LRRFIP1: variants seen among roughly 807,000 people sequenced by gnomAD.
LRRFIP1 encodes LRR binding FLII interacting protein 1.
LRRFIP1 carries 62 observed loss-of-function variants against 104.4 expected under a neutral mutation model. The ratio of observed to expected loss-of-function variants is 0.59; its 90% CI spans 0.48 to 0.73. LRRFIP1 has a LOEUF of 0.73. Among genes scored for constraint, LRRFIP1 ranks in the 30% least tolerant of loss-of-function variants. The probability of loss-of-function intolerance (pLI) is 0.00; values close to 1 mark genes in which losing one functional copy is unlikely to be tolerated. For synonymous variants in LRRFIP1, 300 were observed against 299.0 expected (o/e 1.00, Z -0.03); for missense variants, 796 against 824.5 (o/e 0.97, Z 0.42).
intron 14 of LRRFIP1, among the ~76,000 whole-genome samples, chr2:237,751,793 C>T (rs980455872): frequency 1.3e-5 from 2 of 152,304 alleles, no homozygotes; most frequent in Admixed American, 6.5e-5. Context: ...TTTCTTGGAG[C>T]GTGTGCACAC....
rs1192915953 is a variant in LRRFIP1, at chr2:237,758,839, A to G, written c.1317+18A>G. ...AATTAAAGGTATGAAGCCAAACTAC[A>G]GTTTTATTTAAAAAAAAAGAAAAAA... On this transcript the variant is annotated intron_variant, in intron 18 of 23. Transcript: ENST00000308482. 30 of 1,551,290 alleles carry G rather than the reference A, an allele frequency of 1.9e-5. No individual in the cohort carries two copies. The highest frequency in any genetic ancestry group is 2.3e-5 in the Non-Finnish European group (26 of 1,151,168).
chr2:237,750,146 C>T (rs1015672562), intron 13 of LRRFIP1, among the ~76,000 whole-genome samples: 7 of 152,028 alleles, frequency 4.6e-5, no homozygotes, highest in South Asian at 4.1e-4. Context: ...CCAGGGAGGA[C>T]GGAGAGGGAT....
chr2:237,681,555 C>T (rs559876909), intron 1 of LRRFIP1, among the ~76,000 whole-genome samples: 173 of 151,892 alleles, frequency 1.1e-3, no homozygotes, highest in Non-Finnish European at 1.3e-3. Context: ...TTAGTAGAGA[C>T]GGGGTTTCAC....
rs182722237 is a variant in LRRFIP1, at chr2:237,751,390, A to G, written c.867+119A>G. 2.2e-4 allele frequency: 169 copies of G among 760,098 alleles called. 1 individual carries two copies. Among genetic ancestry groups the G allele is most frequent in the Admixed American group, 2.2e-3 (80 of 36,120 alleles). The allele number at this position is 760,098 out of a possible 1,614,324, so 47.1% of individuals were successfully genotyped here. A position where few individuals can be genotyped will look rare whatever the true frequency, so the allele number is the denominator to read the frequency against. On this transcript the variant is annotated intron_variant, in intron 14 of 23. Transcript: ENST00000308482. ...TTACTGTAAATAGGCTCCAGGGTGTAGAAGAACTCACAATGGCAGGAGTGC... is the reference window on the plus strand; with the variant it reads ...TTACTGTAAATAGGCTCCAGGGTGTGGAAGAACTCACAATGGCAGGAGTGC...
intron 1 of LRRFIP1, among the ~76,000 whole-genome samples, chr2:237,647,947 C>T (rs762936340): frequency 6.6e-6 from 1 of 152,100 alleles, no homozygotes; most frequent in Non-Finnish European, 1.5e-5. Context: ...GCAGGAACCA[C>T]ATCTGCGTGT....
At chr2:237,681,675 A>G (rs1401099190) in intron 1 of LRRFIP1, among the ~76,000 whole-genome samples, 1 of 54,614 alleles carries the variant, frequency 1.8e-5, no homozygotes. Context: ...CCGCAGTCCT[A>G]TTCTTTTTTT....
intron 3 of LRRFIP1, 84 bp downstream of exon 3, chr2:237,714,360 C>T (rs1473812988): frequency 1.7e-5 from 18 of 1,066,256 alleles, no homozygotes; most frequent in Non-Finnish European, 2.4e-5. Context: ...GAAATAACAC[C>T]TTGCACTGAA....
intron 1 of LRRFIP1, among the ~76,000 whole-genome samples, chr2:237,631,628 T>G (rs76688736): frequency 6.6e-6 from 1 of 152,170 alleles, no homozygotes; most frequent in Non-Finnish European, 1.5e-5. Flanking sequence ...CCAACGCAGA[T>G]AGATTTTCCT....
intron 1 of LRRFIP1, among the ~76,000 whole-genome samples, chr2:237,695,700 GA>G (rs1249155975): frequency 6.6e-6 from 1 of 151,792 alleles, no homozygotes; most frequent in Non-Finnish European, 1.5e-5. Context: ...TGGGACAGGA[GA>G]AGAGGATTTT....
Position 237,646,962 on chromosome 2 carries a change from G to A in LRRFIP1, c.96+19222G>A, listed in dbSNP as rs149952796. 3.8e-3 allele frequency among the ~76,000 whole-genome samples: 577 copies of A among 152,044 alleles called. 9 individuals are homozygous for A. Among genetic ancestry groups the A allele is most frequent in the Non-Finnish European group, 6.3e-3 (428 of 67,940 alleles). ...ATAGAAAGGGGTCGCTTGCTGTATT[G>A]CTCTGTTGATTTTTCCTTCTAATAG... On this transcript the variant is annotated intron_variant, in intron 1 of 23. Coordinates refer to ENST00000308482, the MANE Select transcript of LRRFIP1 (RefSeq NM_001137550.2).
chr2:237,641,276 C>A (rs6708678), intron 1 of LRRFIP1, among the ~76,000 whole-genome samples: 27,485 of 150,794 alleles, frequency 0.18, 2,796 homozygotes, highest in African/African-American at 0.24. Flanking sequence ...CTTTGGGAGG[C>A]CAAGGCAACC....
intron 1 of LRRFIP1, among the ~76,000 whole-genome samples, chr2:237,696,319 C>T (rs1238789616): frequency 6.6e-6 from 1 of 152,124 alleles, no homozygotes; most frequent in Non-Finnish European, 1.5e-5. Flanking sequence ...AAGGAGTGGG[C>T]TTTCCCTGTG....
At position 237,745,473 on chromosome 2, in the gene LRRFIP1, A is replaced by C. The variant is rs55946956; in HGVS notation, c.634-2891A>C. Among the ~76,000 whole-genome samples, 687 of 152,298 alleles carry C rather than the reference A, an allele frequency of 4.5e-3. 1 individual carries two copies. The highest frequency in any genetic ancestry group is 0.01 in the South Asian group (49 of 4,824). ...GAGCAAGGACTTTTTTAAAATGATA[A>C]AAACAGCAAACTATGGTTTTTGGGG... On this transcript the variant is annotated intron_variant, in intron 11 of 23. Transcript: ENST00000308482.
chr2:237,705,621 G>A (rs2093763989), intron 1 of LRRFIP1, among the ~76,000 whole-genome samples: 1 of 151,374 alleles, frequency 6.6e-6, no homozygotes, highest in Admixed American at 6.6e-5. Context: ...CTGTGATCAC[G>A]CCACTGCACT....
intron 19 of LRRFIP1, among the ~76,000 whole-genome samples, chr2:237,767,702 C>G (rs1041491405): frequency 6.6e-6 from 1 of 152,158 alleles, no homozygotes; most frequent in Admixed American, 6.5e-5. Flanking sequence ...ACCCTGAATG[C>G]TAATTCTGGG....
rs549905115 is a variant in LRRFIP1, at chr2:237,693,270, C to G, written c.97-15274C>G. 2.0e-5 allele frequency among the ~76,000 whole-genome samples: 3 copies of G among 152,308 alleles called. No individual in the cohort carries two copies. The East Asian group carries it at 5.8e-4, about 29-fold the overall frequency. ...CTAGCTTTCCACTTAATCAGGTGTT[C>G]GTGGGATCTTGGTAAAAGTATGAGC... On this transcript the variant is annotated intron_variant, in intron 1 of 23. Transcript: ENST00000308482.
intron 1 of LRRFIP1, among the ~76,000 whole-genome samples, chr2:237,690,248 G>C (rs1040563734): frequency 1.3e-5 from 2 of 152,156 alleles, no homozygotes; most frequent in Non-Finnish European, 2.9e-5. Context: ...GGGGTGTTGA[G>C]TAGCTTTAGA....
At chr2:237,744,449 A>T (rs571767165) in intron 11 of LRRFIP1, among the ~76,000 whole-genome samples, 1 of 152,314 alleles carries the variant, frequency 6.6e-6, no homozygotes, top group South Asian at 2.1e-4. Flanking sequence ...GGAAAATGGC[A>T]GGCAGCTGGA....
rs531089512 is a variant in LRRFIP1 at position 237,712,649 on chromosome 2, G to C, written c.184-1610G>C. On this transcript the variant is annotated intron_variant, in intron 2 of 23. Transcript: ENST00000308482. ...TTCGTGTGTGTGCGTGTGCATGTGTGTGTGCATGTGTGTGCATGTGCGCTC... is the reference window on the plus strand; with the variant it reads ...TTCGTGTGTGTGCGTGTGCATGTGTCTGTGCATGTGTGTGCATGTGCGCTC... 2.0e-5 allele frequency among the ~76,000 whole-genome samples: 3 copies of C among 151,804 alleles called. No individual in the cohort carries two copies. The East Asian group carries it at 6.0e-4, about 30-fold the overall frequency.
Sources: gnomAD v4.1 joint callset for allele counts (sites outside exome capture counted in the v4.1 genomes callset) on GRCh38, gnomAD v4.1.1 for gene constraint, MANE v1.5 for transcripts, NCBI Gene and HGNC (gene_info 2026-07-23, HGNC 2026-07-21) for gene names.